Variants in SNX9 observed in about 807,000 individuals in gnomAD.
SNX9 encodes sorting nexin 9.
Under a neutral mutation model 89.4 loss-of-function variants are expected in SNX9, and 44 were observed. The observed-to-expected ratio is 0.49, with a 90% CI of 0.39 to 0.63. SNX9 has a LOEUF of 0.63. Ranked by LOEUF, SNX9 falls within the 30% of genes least tolerant of loss-of-function variation. SNX9 has a pLI of 0.00. For synonymous variants in SNX9, 236 were observed against 247.8 expected (o/e 0.95, Z 0.45); for missense variants, 578 against 736.1 (o/e 0.79, Z 2.49).
intron 2 of SNX9, among the ~76,000 whole-genome samples, chr6:157,868,044 G>T (rs991075867): frequency 6.6e-6 from 1 of 152,148 alleles, no homozygotes; most frequent in Non-Finnish European, 1.5e-5. Flanking sequence ...ATAAGTAAAA[G>T]ATGATGGTGA....
At chr6:157,840,155 G>GCACAGT (rs1562590741) in intron 1 of SNX9, among the ~76,000 whole-genome samples, 5 of 108,198 alleles carry the variant, frequency 4.6e-5, no homozygotes, top group African/African-American at 1.8e-4. Context: ...GCTGGTGCTT[G>GCACAGT]GGGTGTCTTT....
At chr6:157,910,131 A>T in intron 9 of SNX9, 106 bp downstream of exon 9, 1 of 847,584 alleles carries the variant, frequency 1.2e-6, no homozygotes, top group Non-Finnish European at 2.0e-6. Flanking sequence ...GAGCAGCAGG[A>T]TGCAGGAGTT....
chr6:157,934,170 G>A (rs1318131078), intron 13 of SNX9: 2 of 152,178 alleles, frequency 1.3e-5, no homozygotes, highest in African/African-American at 4.8e-5. Context: ...AACTTCCAGT[G>A]CTCCTTTACA....
rs138471509 is a variant in SNX9 at position 157,932,171 on chromosome 6, C to T, written c.1289-24C>T. On this transcript the variant is annotated intron_variant, in intron 12 of 17. Coordinates refer to ENST00000392185, the MANE Select transcript of SNX9 (RefSeq NM_016224.5). Reference sequence around the variant, plus strand: ...ATTTCAGTTTGCTCAGAAGACTAATCGTTTATTCCTTTTTGTCTTTCAGCA... The same window carrying T: ...ATTTCAGTTTGCTCAGAAGACTAATTGTTTATTCCTTTTTGTCTTTCAGCA... 684 of 1,604,666 alleles carry T rather than the reference C, an allele frequency of 4.3e-4. 8 individuals carry two copies. The East Asian group carries it at 0.015, about 35-fold the overall frequency.
intron 1 of SNX9, among the ~76,000 whole-genome samples, chr6:157,859,097 AC>A (rs1562596201): frequency 6.6e-6 from 1 of 152,182 alleles, no homozygotes. Flanking sequence ...TTCCGCCATT[AC>A]TGTACATGAT....
chr6:157,865,852 G>A (rs2364944), intron 1 of SNX9, among the ~76,000 whole-genome samples: 4,565 of 152,218 alleles, frequency 0.03, 225 homozygotes, highest in African/African-American at 0.1. Flanking sequence ...TCAAGTTCTT[G>A]CCATATGGTG....
intron 1 of SNX9, among the ~76,000 whole-genome samples, chr6:157,858,250 CTTT>C (rs141525968): frequency 5.8e-4 from 84 of 143,902 alleles, no homozygotes; most frequent in Admixed American, 5.0e-3. Flanking sequence ...TTTCTTTTTT[CTTT>C]TTTTTTTTTT....
intron 9 of SNX9, among the ~76,000 whole-genome samples, chr6:157,920,041 T>C (rs1783551555): frequency 6.6e-6 from 1 of 152,190 alleles, no homozygotes; most frequent in Non-Finnish European, 1.5e-5. Flanking sequence ...AGCCTTTGAT[T>C]GACTGACAGA....
intron 1 of SNX9, among the ~76,000 whole-genome samples, chr6:157,845,820 A>G (rs974949750): frequency 6.6e-5 from 10 of 152,180 alleles, no homozygotes; most frequent in African/African-American, 2.2e-4. Context: ...TTGTGAACTG[A>G]ATATTGGACT....
chr6:157,874,608 C>G (rs1174003428), intron 3 of SNX9: 1 of 153,858 alleles, frequency 6.5e-6, no homozygotes, highest in African/African-American at 2.4e-5. Context: ...ACTGCTTCAT[C>G]AAACCACAGC....
chr6:157,910,772 T>C (rs1447236152), intron 9 of SNX9, among the ~76,000 whole-genome samples: 1 of 152,096 alleles, frequency 6.6e-6, no homozygotes, highest in South Asian at 2.1e-4. Flanking sequence ...TTGTTTTTAA[T>C]CTCCAGCCTA....
chr6:157,823,330 G>A lies in SNX9; in HGVS notation c.-105G>A, dbSNP rs143230208. On this transcript the variant is annotated 5_prime_UTR_variant, in exon 1 of 18. Coordinates refer to ENST00000392185, the MANE Select transcript of SNX9 (RefSeq NM_016224.5). This position sits in a 1 kb window ranked among gnomAD's most constrained non-coding sequence, Gnocchi z 4.6. ...GGAGCGGCCGCCGCGCCGGGGCCCAGCCGGAGCCGCCGCCCTCGCCCTTGC... is the reference window on the plus strand; with the variant it reads ...GGAGCGGCCGCCGCGCCGGGGCCCAACCGGAGCCGCCGCCCTCGCCCTTGC... 60,275 of 1,058,844 alleles carry A rather than the reference G, an allele frequency of 0.057. 1,946 individuals carry two copies. Among genetic ancestry groups the A allele is most frequent in the East Asian group, 0.11 (2,335 of 21,254 alleles). The allele number at this position is 1,058,844 out of a possible 1,614,324, so 65.6% of individuals were successfully genotyped here.
intron 1 of SNX9, among the ~76,000 whole-genome samples, chr6:157,854,133 T>C (rs1295058354): frequency 6.6e-6 from 1 of 152,266 alleles, no homozygotes; most frequent in Non-Finnish European, 1.5e-5. Flanking sequence ...AGTAAGTTTC[T>C]GCCAGTTGTC....
At chr6:157,907,062 G>T (rs6928697) in intron 7 of SNX9, among the ~76,000 whole-genome samples, 3 of 152,110 alleles carry the variant, frequency 2.0e-5, no homozygotes, top group African/African-American at 7.2e-5. Context: ...CCAAATCCTG[G>T]AAGCCTCCAA....
At chr6:157,910,989 T>G (rs1289735352) in intron 9 of SNX9, among the ~76,000 whole-genome samples, 1 of 152,118 alleles carries the variant, frequency 6.6e-6, no homozygotes, top group African/African-American at 2.4e-5. Context: ...GGTGTGCACC[T>G]GTAGTCTCAG....
intron 4 of SNX9, among the ~76,000 whole-genome samples, chr6:157,883,196 G>A (rs1025403650): frequency 2.6e-5 from 4 of 152,116 alleles, no homozygotes; most frequent in Non-Finnish European, 5.9e-5. Flanking sequence ...GCGATTTTTA[G>A]CAATAAAGTA....
chr6:157,900,507 G>A (rs1389029002), intron 5 of SNX9, among the ~76,000 whole-genome samples: 1 of 152,142 alleles, frequency 6.6e-6, no homozygotes, highest in Non-Finnish European at 1.5e-5. Flanking sequence ...ACAAGATAGC[G>A]AAAGCTGGGT....
At chr6:157,916,933 G>C (rs555276920) in intron 9 of SNX9, among the ~76,000 whole-genome samples, 1 of 152,144 alleles carries the variant, frequency 6.6e-6, no homozygotes, top group South Asian at 2.1e-4. Flanking sequence ...GATGAGTTTG[G>C]AACTATTCCC....
At chr6:157,903,548 A>G (rs1301047384) in intron 6 of SNX9, among the ~76,000 whole-genome samples, 3 of 152,216 alleles carry the variant, frequency 2.0e-5, no homozygotes, top group Admixed American at 6.5e-5. Context: ...GATGTGCATC[A>G]TTGTCAGCTG....
Sources: allele counts gnomAD v4.1 joint callset (sites outside exome capture counted in the v4.1 genomes callset), GRCh38; gene constraint gnomAD v4.1.1; non-coding constraint Gnocchi (gnomAD v3.1); transcripts MANE v1.5; gene names NCBI Gene and HGNC (gene_info 2026-07-23, HGNC 2026-07-21).